Variants in LDB2 observed in about 807,000 individuals in gnomAD.
LDB2 encodes LIM domain binding 2, also known as LIM domain-binding protein 2.
A neutral mutation model predicts 44.3 loss-of-function variants in LDB2; 12 were observed. The ratio of observed to expected loss-of-function variants is 0.27; its 90% CI spans 0.17 to 0.44. LDB2 has a LOEUF of 0.44. LDB2 is among the 20% of genes least tolerant of loss of function. The pLI is 1.00. For missense variants in LDB2, 344 were observed against 473.5 expected (o/e 0.73, Z 2.54); for synonymous variants, 164 against 174.8 (o/e 0.94, Z 0.49).
chr4:16,624,358 A>C (rs1729714954), intron 2 of LDB2, among the ~76,000 whole-genome samples: 1 of 152,140 alleles, frequency 6.6e-6, no homozygotes, highest in Non-Finnish European at 1.5e-5. Flanking sequence ...CAGTCTCCCA[A>C]AGTGCTAGGA....
At chr4:16,882,360 T>C (rs1188062940) in intron 1 of LDB2, among the ~76,000 whole-genome samples, 1 of 152,238 alleles carries the variant, frequency 6.6e-6, no homozygotes, top group Non-Finnish European at 1.5e-5. Context: ...GTAATAAAGC[T>C]AACAGCAGAG....
intron 2 of LDB2, among the ~76,000 whole-genome samples, chr4:16,657,718 G>A (rs1226842775): frequency 7.9e-5 from 12 of 152,260 alleles, no homozygotes; most frequent in South Asian, 4.2e-4. Flanking sequence ...TGTCCTCTGC[G>A]TCTGGAACAC....
chr4:16,792,189 G>A (rs1775905299), intron 1 of LDB2, among the ~76,000 whole-genome samples: 2 of 152,152 alleles, frequency 1.3e-5, no homozygotes, highest in African/African-American at 4.8e-5. Context: ...ACTTTGTTGA[G>A]CACTTACTGT....
chr4:16,690,543 T>G (rs1445871524), intron 2 of LDB2, among the ~76,000 whole-genome samples: 710 of 24,742 alleles, frequency 0.029, no homozygotes, highest in African/African-American at 0.035. Flanking sequence ...GGAGGGAGGT[T>G]GGGGAAAGGA....
intron 1 of LDB2, among the ~76,000 whole-genome samples, chr4:16,822,360 C>T (rs1782263088): frequency 6.6e-6 from 1 of 152,138 alleles, no homozygotes; most frequent in Non-Finnish European, 1.5e-5. Flanking sequence ...GAAAGCATGT[C>T]AGCTAACCTA....
intron 2 of LDB2, among the ~76,000 whole-genome samples, chr4:16,655,233 G>C (rs1338318983): frequency 6.6e-6 from 1 of 152,094 alleles, no homozygotes. Flanking sequence ...AGGCCAAGAG[G>C]GTCTTCCATC....
At chr4:16,836,554 C>T (rs1784908928) in intron 1 of LDB2, among the ~76,000 whole-genome samples, 1 of 152,186 alleles carries the variant, frequency 6.6e-6, no homozygotes, top group Non-Finnish European at 1.5e-5. Flanking sequence ...TGCAAACTGG[C>T]AGCTCTCACT....
intron 1 of LDB2, among the ~76,000 whole-genome samples, chr4:16,819,460 GAAAAAA>G (rs369605183): frequency 4.9e-4 from 46 of 93,470 alleles, no homozygotes; most frequent in East Asian, 9.1e-4. Context: ...CTGCACTCAG[GAAAAAA>G]AAAAAAAAAA....
intron 5 of LDB2, among the ~76,000 whole-genome samples, chr4:16,563,810 A>G (rs181687806): frequency 6.6e-6 from 1 of 152,132 alleles, no homozygotes; most frequent in Non-Finnish European, 1.5e-5. Flanking sequence ...CAATCACACC[A>G]TGGCGGACCT....
chr4:16,579,040 G>C (rs114068849), intron 5 of LDB2, among the ~76,000 whole-genome samples: 2 of 152,136 alleles, frequency 1.3e-5, no homozygotes, highest in African/African-American at 4.8e-5. Context: ...CCACAGATTG[G>C]GAAGGGTCAG....
At chr4:16,783,210 AT>A (rs1773681568) in intron 1 of LDB2, among the ~76,000 whole-genome samples, 2 of 152,260 alleles carry the variant, frequency 1.3e-5, no homozygotes, top group African/African-American at 2.4e-5. Flanking sequence ...AGCAGGACAG[AT>A]TGACCCTGCT....
At chr4:16,840,164 C>T (rs1471338772) in intron 1 of LDB2, among the ~76,000 whole-genome samples, 1 of 152,134 alleles carries the variant, frequency 6.6e-6, no homozygotes, top group East Asian at 1.9e-4. Flanking sequence ...GAGTAACTTG[C>T]TCAACTATCA....
chr4:16,519,920 A>G (rs567468953), intron 5 of LDB2, among the ~76,000 whole-genome samples: 119 of 152,146 alleles, frequency 7.8e-4, no homozygotes, highest in African/African-American at 2.7e-3. Context: ...CGCTCAATGT[A>G]TTATGGGACT....
intron 1 of LDB2, among the ~76,000 whole-genome samples, chr4:16,813,789 A>T (rs1780350891): frequency 6.6e-6 from 1 of 152,180 alleles, no homozygotes; most frequent in Admixed American, 6.6e-5. Flanking sequence ...TCCATCTGCA[A>T]TAGACATATC....
chr4:16,553,872 C>G (rs960325280), intron 5 of LDB2, among the ~76,000 whole-genome samples: 8 of 152,060 alleles, frequency 5.3e-5, no homozygotes, highest in Non-Finnish European at 1.2e-4. Flanking sequence ...AAGTGATTTG[C>G]CTAAGGTCAC....
chr4:16,706,678 TA>T (rs1228574938), intron 2 of LDB2, among the ~76,000 whole-genome samples: 1 of 152,140 alleles, frequency 6.6e-6, no homozygotes, highest in Non-Finnish European at 1.5e-5. Flanking sequence ...GAGTTCTTCC[TA>T]GGGGGACATA....
chr4:16,527,428 A>G (rs1386970809), intron 5 of LDB2, among the ~76,000 whole-genome samples: 1 of 152,206 alleles, frequency 6.6e-6, no homozygotes, highest in South Asian at 2.1e-4. Flanking sequence ...TAAAAAAAAA[A>G]TAGATGTTGG....
At chr4:16,667,395 T>C (rs1743577163) in intron 2 of LDB2, among the ~76,000 whole-genome samples, 1 of 152,162 alleles carries the variant, frequency 6.6e-6, no homozygotes. Flanking sequence ...CCATGGGCAA[T>C]GTGCCATTAT....
chr4:16,705,353 G>A (rs1043801633), intron 2 of LDB2, among the ~76,000 whole-genome samples: 11 of 152,084 alleles, frequency 7.2e-5, no homozygotes, highest in Admixed American at 7.2e-4. Flanking sequence ...AGTTGGGTGT[G>A]ACCATGTGAC....
Sources: allele counts gnomAD v4.1 joint callset (sites outside exome capture counted in the v4.1 genomes callset), GRCh38; gene constraint gnomAD v4.1.1; transcripts MANE v1.5; gene names NCBI Gene and HGNC (gene_info 2026-07-23, HGNC 2026-07-21).